The following MYO18B variants were observed in gnomAD, a reference collection of about 807,000 sequenced individuals.
MYO18B encodes the protein myosin XVIIIB.
Under a neutral mutation model 273.0 loss-of-function variants are expected in MYO18B, and 204 were observed. That is an observed-to-expected ratio of 0.75 (90% CI 0.67 to 0.84). MYO18B has a LOEUF of 0.84. MYO18B is among the 40% of genes least tolerant of loss of function. The pLI, the probability that MYO18B is intolerant of heterozygous loss-of-function variation, is 0.00. For missense variants in MYO18B, 3,212 were observed against 3,287.6 expected, an observed-to-expected ratio of 0.98 and a Z score of 0.56; for synonymous variants, 1,330 against 1,305.7, an observed-to-expected ratio of 1.02 and a Z score of -0.40.
At chr22:25,948,459 C>CTTCTTTCTTTCTTTCTTTCTTTCTTTCT (rs1158700194) in intron 36 of MYO18B, among the ~76,000 whole-genome samples, 1 of 67,636 alleles carries the variant, frequency 1.5e-5, no homozygotes, top group Admixed American at 1.3e-4. Flanking sequence ...TCCTTCCTTC[C>CTTCTTTCTTTCTTTCTTTCTTTCTTTCT]TTCTTTCTTT....
chr22:25,815,847 C>T (rs1304998044), intron 12 of MYO18B, among the ~76,000 whole-genome samples: 5 of 152,298 alleles, frequency 3.3e-5, no homozygotes, highest in East Asian at 1.9e-4. Flanking sequence ...GCCTTCTTTT[C>T]CCCCAAACAC....
chr22:25,969,358 T>C (rs994509284), intron 39 of MYO18B, among the ~76,000 whole-genome samples: 2 of 152,218 alleles, frequency 1.3e-5, no homozygotes, highest in African/African-American at 2.4e-5. Flanking sequence ...AAAGCAGAGC[T>C]CCCCATTAGG....
chr22:25,996,919 C>A (rs968621567), intron 40 of MYO18B, among the ~76,000 whole-genome samples: 7 of 152,272 alleles, frequency 4.6e-5, no homozygotes, highest in African/African-American at 1.7e-4. Flanking sequence ...TACCTTTCTT[C>A]TCCTCTGAAG....
chr22:25,927,917 G>C (rs2092444219), intron 34 of MYO18B, among the ~76,000 whole-genome samples: 1 of 152,124 alleles, frequency 6.6e-6, no homozygotes, highest in African/African-American at 2.4e-5. Context: ...CTAAAGAGGA[G>C]GCCCTTAATT....
intron 34 of MYO18B, among the ~76,000 whole-genome samples, chr22:25,923,818 C>G (rs1002464303): frequency 6.6e-6 from 1 of 152,180 alleles, no homozygotes; most frequent in Non-Finnish European, 1.5e-5. Context: ...CTTCCCTTCC[C>G]CCAACAGGTG....
In MYO18B at chr22:25,780,068, G is replaced by A. The variant is rs746689393; in HGVS notation, c.2081G>A (p.Arg694Gln). 86 of 1,592,790 alleles carry A rather than the reference G, an allele frequency of 5.4e-5. No individual in the cohort carries two copies. Among genetic ancestry groups the A allele is most frequent in the South Asian group, 1.5e-4 (13 of 87,648 alleles). ...CTGCCCCCAACAGTGGAGAAGATCC[G>A]AGCCACCTTCACTGTCCTCCGGGCC... ...VDGRVSVEKI[R>Q]ATFTVLRAFG... is the part of the protein sequence containing the mutation. The change falls in exon 9 of 44, where the codon CGA (arginine) becomes CAA (glutamine). Residue 694 changes from arginine to glutamine, a missense_variant. Physicochemically the swap from Arg to Gln is conservative, Grantham distance 43. Transcript: ENST00000335473.
chr22:25,947,703 C>T lies in MYO18B; in HGVS notation c.5632-9C>T. 3 of 1,610,882 alleles carry T rather than the reference C, an allele frequency of 1.9e-6. No individual in the cohort carries two copies. In the South Asian group the frequency reaches 3.3e-5, roughly 18 times the overall value. On this transcript the variant is annotated splice_polypyrimidine_tract_variant and intron_variant, in intron 35 of 43. Transcript: ENST00000335473. ...CACCTTGCCTTGACCACTGATCTGC[C>T]TCCCCCAGGTGGATGAGCAGCTGTA...
intron 39 of MYO18B, among the ~76,000 whole-genome samples, chr22:25,990,434 C>G (rs976260962): frequency 1.3e-5 from 2 of 152,022 alleles, no homozygotes; most frequent in Non-Finnish European, 2.9e-5. Flanking sequence ...GCCTGTAATT[C>G]CAGCACTTTG....
rs2093181646 is a variant in MYO18B at position 25,984,588 on chromosome 22, G to A, written c.6157-7775G>A. On this transcript the variant is annotated intron_variant, in intron 39 of 43. Transcript: ENST00000335473. Reference sequence around the variant, plus strand: ...GAGGACCACTTGACACCAGGAGTTTGAGACCAACCTGGGGAACATAGCAGG... The same window carrying A: ...GAGGACCACTTGACACCAGGAGTTTAAGACCAACCTGGGGAACATAGCAGG... 2.0e-5 allele frequency among the ~76,000 whole-genome samples: 3 copies of A among 151,922 alleles called. No homozygotes were observed. In the South Asian group the frequency reaches 6.2e-4, roughly 32 times the overall value.
At chr22:25,876,100 G>T (rs1261555703) in intron 23 of MYO18B, 89 bp from the exon 24 acceptor site, 7 of 1,359,428 alleles carry the variant, frequency 5.1e-6, no homozygotes, top group Non-Finnish European at 6.0e-6. Flanking sequence ...ACTTCCTCCA[G>T]CCCCTTTGCT....
chr22:25,757,112 A>G (rs554365908), intron 1 of MYO18B, among the ~76,000 whole-genome samples: 3 of 152,326 alleles, frequency 2.0e-5, no homozygotes, highest in Admixed American at 2.0e-4. Context: ...ATAGTGCTAT[A>G]GAACACTAGT....
At chr22:25,747,615 AT>A (rs67868761) in intron 1 of MYO18B, among the ~76,000 whole-genome samples, 96 of 150,878 alleles carry the variant, frequency 6.4e-4, no homozygotes, top group African/African-American at 2.0e-3. Context: ...AGGAGCTGAG[AT>A]TTTTTTTTTC....
At chr22:25,845,244 C>T (rs1042952227) in intron 18 of MYO18B, among the ~76,000 whole-genome samples, 8 of 152,170 alleles carry the variant, frequency 5.3e-5, no homozygotes, top group South Asian at 2.1e-4. Flanking sequence ...CTTGGCCGGG[C>T]GCGGTGGCTC....
At chr22:25,757,541 C>T (rs1046704492) in intron 1 of MYO18B, among the ~76,000 whole-genome samples, 2 of 151,574 alleles carry the variant, frequency 1.3e-5, no homozygotes, top group Non-Finnish European at 2.9e-5. Flanking sequence ...GAGCCGAGAC[C>T]GTGCCATTAT....
At chr22:25,781,965 C>T (rs747978634) in intron 10 of MYO18B, 131 bp downstream of exon 10, 10 of 583,924 alleles carry the variant, frequency 1.7e-5, no homozygotes, top group South Asian at 4.2e-5. Context: ...ACATGGCGTC[C>T]GATTCCAGCT....
intron 28 of MYO18B, chr22:25,898,005 C>G: frequency 3.4e-6 from 1 of 297,188 alleles, no homozygotes. Context: ...CAGGGGTCAT[C>G]AAGTTGAGGC....
chr22:25,944,662 A>G (rs2092683704), intron 34 of MYO18B, among the ~76,000 whole-genome samples: 1 of 152,086 alleles, frequency 6.6e-6, no homozygotes, highest in Non-Finnish European at 1.5e-5. Context: ...AGCCTGGCCA[A>G]TATGATGAAA....
chr22:25,781,564 C>G (rs2087153170), intron 9 of MYO18B, among the ~76,000 whole-genome samples, 170 bp from the exon 10 acceptor site: 1 of 150,806 alleles, frequency 6.6e-6, no homozygotes, highest in Non-Finnish European at 1.5e-5. Flanking sequence ...GAGCCGAGAT[C>G]ACGCCACCGC....
intron 42 of MYO18B, among the ~76,000 whole-genome samples, chr22:26,023,251 C>G (rs1490807037): frequency 1.3e-5 from 2 of 152,190 alleles, no homozygotes; most frequent in Non-Finnish European, 2.9e-5. Context: ...TCTTTGTCCT[C>G]CCTCCACTTT....
Sources: allele counts gnomAD v4.1 joint callset (sites outside exome capture counted in the v4.1 genomes callset), GRCh38; gene constraint gnomAD v4.1.1; transcripts MANE v1.5; gene names NCBI Gene and HGNC (gene_info 2026-07-23, HGNC 2026-07-21).